Variants in TNNI1 observed in about 807,000 individuals in gnomAD.
The protein encoded by TNNI1 is troponin I, slow skeletal muscle.
Under a neutral mutation model 26.7 loss-of-function variants are expected in TNNI1, and 14 were observed. That is an observed-to-expected ratio of 0.52 (90% CI 0.35 to 0.82). TNNI1 has a LOEUF of 0.82. Among genes scored for constraint, TNNI1 ranks in the 40% least tolerant of loss-of-function variants. The pLI is 0.01. For missense variants in TNNI1, 164 were observed against 257.0 expected (o/e 0.64, Z 2.47); for synonymous variants, 79 against 98.2 (o/e 0.80, Z 1.16).
In TNNI1 at chr1:201,412,972, C is replaced by T. The variant is rs1356760795; in HGVS notation, c.279+60G>A. 9.1e-6 allele frequency: 14 copies of T among 1,538,682 alleles called. No individual in the cohort carries two copies. In the Admixed American group the frequency reaches 1.7e-4, roughly 18 times the overall value. On this transcript the variant is annotated intron_variant, in intron 6 of 8. Coordinates refer to ENST00000361379, the MANE Select transcript of TNNI1 (RefSeq NM_003281.4). ...AGGGGACCTCCCATGGCTGCTGCAT[C>T]CGTGCCCATGCCCCTGCCCAACCCA...
At position 201,411,566 on chromosome 1, in the gene TNNI1, G is replaced by A. The variant is rs112028334; in HGVS notation, c.280-33C>T. 2.0e-4 allele frequency: 304 copies of A among 1,519,988 alleles called. 2 individuals carry two copies. In the African/African-American group the frequency reaches 3.3e-3, roughly 16 times the overall value. 94.2% of individuals were successfully genotyped at this position (1,519,988 alleles called of 1,614,324 possible). On this transcript the variant is annotated intron_variant, in intron 6 of 8. Transcript: ENST00000361379. This position sits in a 1 kb window ranked among gnomAD's most constrained non-coding sequence, Gnocchi z 4.6. ...TGAGAAGCGCCCGGGGCTCACTGGAGAGGCAGCTAGCCACAGGACACCCTT... is the reference window on the plus strand; with the variant it reads ...TGAGAAGCGCCCGGGGCTCACTGGAAAGGCAGCTAGCCACAGGACACCCTT...
chr1:201,417,227 G>T, intron 2 of TNNI1, 108 bp from the exon 3 acceptor site: 1 of 1,463,838 alleles, frequency 6.8e-7, no homozygotes, highest in South Asian at 1.1e-5. Context: ...CAGCTTGGGG[G>T]AGGAGGGGGC....
In TNNI1 at chr1:201,411,024, C is replaced by T. The variant is rs1416940817; in HGVS notation, c.456+333G>A. ...CCAAGATGAGCTGCTGTCTCCTTTC[C>T]CTGTGGTGACCAGGCAGTCATCTCC... On this transcript the variant is annotated intron_variant, in intron 7 of 8. Coordinates refer to ENST00000361379, the MANE Select transcript of TNNI1 (RefSeq NM_003281.4). The surrounding 1 kb of genome is among the most constrained non-coding windows in gnomAD (Gnocchi z 4.6). Among the ~76,000 whole-genome samples, 1 of 152,194 alleles carries T rather than the reference C, an allele frequency of 6.6e-6. No individual in the cohort carries two copies. Among genetic ancestry groups the T allele is most frequent in the Non-Finnish European group, 1.5e-5 (1 of 68,040 alleles).
chr1:201,417,228 A>G, intron 2 of TNNI1, 109 bp from the exon 3 acceptor site: 2 of 1,454,184 alleles, frequency 1.4e-6, no homozygotes, highest in Non-Finnish European at 1.9e-6. Flanking sequence ...AGCTTGGGGG[A>G]GGAGGGGGCC....
At position 201,404,401 on chromosome 1, in the gene TNNI1, G is replaced by A. The variant is rs1349961617; in HGVS notation, c.*4852C>T. ...TTAGGGGAAGGGAAGAAATGAATGAGGTGATAAGACCCACGCCCTAAAGAA... is the reference window on the plus strand; with the variant it reads ...TTAGGGGAAGGGAAGAAATGAATGAAGTGATAAGACCCACGCCCTAAAGAA... On this transcript the variant is annotated 3_prime_UTR_variant, in exon 9 of 9. Transcript: ENST00000361379. The A allele has an allele frequency of 2.0e-5, 3 of 152,176 alleles. No individual in the cohort carries two copies. The highest frequency in any genetic ancestry group is 2.9e-5 in the Non-Finnish European group (2 of 68,028). 9.4% of individuals were successfully genotyped at this position (152,176 alleles called of 1,614,324 possible). A position where few individuals can be genotyped will look rare whatever the true frequency, so the allele number is the denominator to read the frequency against.
rs530402912 is a variant in TNNI1 at position 201,417,837 on chromosome 1, A to G, written c.-19-25T>C. 23 of 1,312,310 alleles carry G rather than the reference A, an allele frequency of 1.8e-5. No homozygotes were observed. In the Admixed American group the frequency reaches 4.0e-4, roughly 23 times the overall value. 81.3% of individuals were successfully genotyped at this position (1,312,310 alleles called of 1,614,324 possible). ...CCTAGGGGGCACAGAGGAATCATTC[A>G]TAAGGGAAAGTGGAAACCCCTGCCC... On this transcript the variant is annotated intron_variant, in intron 1 of 8. Transcript: ENST00000361379.
chr1:201,412,862 T>C (rs1184462076), intron 6 of TNNI1, among the ~76,000 whole-genome samples, 170 bp downstream of exon 6: 1 of 152,228 alleles, frequency 6.6e-6, no homozygotes, highest in Non-Finnish European at 1.5e-5. Context: ...GATTATCCAC[T>C]CTACCCATCT....
intron 1 of TNNI1, among the ~76,000 whole-genome samples, chr1:201,418,994 G>T (rs1662808069): frequency 6.6e-6 from 1 of 152,132 alleles, no homozygotes; most frequent in African/African-American, 2.4e-5. Context: ...AGGAGGGAGA[G>T]GATCAGGAAA....
chr1:201,411,189 C>T lies in TNNI1; in HGVS notation c.456+168G>A, dbSNP rs1284987141. Among the ~76,000 whole-genome samples the T allele has an allele frequency of 6.6e-6, 1 of 152,198 alleles. No homozygotes were observed. Among genetic ancestry groups the T allele is most frequent in the Non-Finnish European group, 1.5e-5 (1 of 68,036 alleles). On this transcript the variant is annotated intron_variant, in intron 7 of 8. Coordinates refer to ENST00000361379, the MANE Select transcript of TNNI1 (RefSeq NM_003281.4). The surrounding 1 kb of genome is among the most constrained non-coding windows in gnomAD (Gnocchi z 4.6). Reference sequence around the variant, plus strand: ...AGCCTGAAGGAAGGGAGCAAATCTTCTTTCTTTCTTCCCACACTGGTCTCC... The same window carrying T: ...AGCCTGAAGGAAGGGAGCAAATCTTTTTTCTTTCTTCCCACACTGGTCTCC...
chr1:201,414,716 AG>A, intron 4 of TNNI1, 67 bp from the exon 5 acceptor site: 1 of 1,583,166 alleles, frequency 6.3e-7, no homozygotes. Flanking sequence ...GAATGAGGGG[AG>A]GGCAGCCACA....
chr1:201,421,178 C>A (rs1435494659), intron 1 of TNNI1, among the ~76,000 whole-genome samples: 1 of 152,194 alleles, frequency 6.6e-6, no homozygotes, highest in African/African-American at 2.4e-5. Flanking sequence ...AAGATGGTTT[C>A]CTTGGCCAGC....
At chr1:201,416,630 G>A (rs1662744614) in intron 3 of TNNI1, among the ~76,000 whole-genome samples, 1 of 152,190 alleles carries the variant, frequency 6.6e-6, no homozygotes, top group Non-Finnish European at 1.5e-5. Context: ...CAGTGTCAGG[G>A]TTTTCTAACA....
At chr1:201,409,457 G>A (rs575217451) in intron 8 of TNNI1, among the ~76,000 whole-genome samples, 80 of 152,208 alleles carry the variant, frequency 5.3e-4, no homozygotes, top group African/African-American at 1.7e-3. Flanking sequence ...CCCTCACACC[G>A]CTCCTCCACA....
intron 1 of TNNI1, among the ~76,000 whole-genome samples, chr1:201,418,208 T>C (rs1011020126): frequency 6.6e-6 from 1 of 152,184 alleles, no homozygotes; most frequent in South Asian, 2.1e-4. Context: ...CAGTGGCTCA[T>C]GCCTGTAATC....
rs1453423162 is a variant in TNNI1 at position 201,404,498 on chromosome 1, T to G, written c.*4755A>C. 2.0e-5 allele frequency: 3 copies of G among 152,194 alleles called. No individual in the cohort carries two copies. The highest frequency in any genetic ancestry group is 4.4e-5 in the Non-Finnish European group (3 of 68,036). The allele number at this position is 152,194 out of a possible 1,614,324, so 9.4% of individuals were successfully genotyped here. On this transcript the variant is annotated 3_prime_UTR_variant, in exon 9 of 9. Transcript: ENST00000361379. ...TATTGTGTAATATAAATACTGACAT[T>G]GTGCTGCCACCATTTTATTTTGTGA...
rs773152242 is a variant in TNNI1 at position 201,417,128 on chromosome 1, A to T, written c.12-9T>A. On this transcript the variant is annotated splice_polypyrimidine_tract_variant and intron_variant, in intron 2 of 8. Coordinates refer to ENST00000361379, the MANE Select transcript of TNNI1 (RefSeq NM_003281.4). Reference sequence around the variant, plus strand: ...AAATATCACTTACCTCGCTTCAGGCATCCATCACAGGAAGGACGGGGAAAG... The same window carrying T: ...AAATATCACTTACCTCGCTTCAGGCTTCCATCACAGGAAGGACGGGGAAAG... 6.2e-7 allele frequency: 1 copy of T among 1,614,154 alleles called. No individual in the cohort carries two copies. Among genetic ancestry groups the T allele is most frequent in the Non-Finnish European group, 8.5e-7 (1 of 1,180,032 alleles).
rs1662480242 is a variant in TNNI1 at position 201,404,568 on chromosome 1, C to T, written c.*4685G>A. 6.6e-6 allele frequency: 1 copy of T among 152,164 alleles called. No individual in the cohort carries two copies. The highest frequency in any genetic ancestry group is 1.5e-5 in the Non-Finnish European group (1 of 68,024). The allele number at this position is 152,164 out of a possible 1,614,324, so 9.4% of individuals were successfully genotyped here. A position where few individuals can be genotyped will look rare whatever the true frequency, so the allele number is the denominator to read the frequency against. On this transcript the variant is annotated 3_prime_UTR_variant, in exon 9 of 9. Transcript: ENST00000361379. ...AATTGCCACCTACTGTCCTCCTATT[C>T]CATAAGTAAGGGCTAATTTAATACT...
In TNNI1 at chr1:201,414,706, G is replaced by T. The variant is rs1436853491; in HGVS notation, c.58-57C>A. 1.9e-6 allele frequency: 3 copies of T among 1,589,988 alleles called. No homozygotes were observed. The African/African-American group carries it at 4.0e-5, about 21-fold the overall frequency. ...CTCACATCTCCCACCCGGCATCAGG[G>T]AATGAGGGGAGGGCAGCCACAGCCT... is the stretch of plus-strand genomic sequence containing the variant. On this transcript the variant is annotated intron_variant, in intron 4 of 8. Transcript: ENST00000361379.
Position 201,415,238 on chromosome 1 carries a change from G to A in TNNI1, c.32C>T (p.Thr11Ile). Residue 11 changes from threonine (T) to isoleucine (I), a missense_variant, in exon 4 of 9, where the codon ACT becomes ATT. Transcript: ENST00000361379. ...CTTCAGCAAGAGTTTGCGGGAGGCA[G>A]TGATCTTGGGTTTTCTCTGTGGGCA... MPEVERKPKI[T>I]ASRKLLLKSL... The A allele has an allele frequency of 6.2e-7, 1 of 1,614,148 alleles. No individual in the cohort carries two copies.
Sources: allele counts gnomAD v4.1 joint callset (sites outside exome capture counted in the v4.1 genomes callset), GRCh38; gene constraint gnomAD v4.1.1; non-coding constraint Gnocchi (gnomAD v3.1); transcripts MANE v1.5; gene names NCBI Gene and HGNC (gene_info 2026-07-23, HGNC 2026-07-21).